Variants in ERI1 observed in about 807,000 individuals in gnomAD.
The protein encoded by ERI1 is exoribonuclease 1.
A neutral mutation model predicts 39.7 loss-of-function variants in ERI1; 39 were observed. The ratio of observed to expected loss-of-function variants is 0.98; its 90% confidence interval spans 0.76 to 1.28. The LOEUF (loss-of-function observed/expected upper bound fraction) is 1.28, where lower values mean the gene tolerates loss of function less well. Among genes scored for constraint, ERI1 ranks in the 50% most tolerant of loss-of-function variants. The pLI is 0.00. For missense variants in ERI1, 581 were observed against 416.9 expected, an observed-to-expected ratio of 1.39 and a Z score of -3.43; for synonymous variants, 204 against 149.6, an observed-to-expected ratio of 1.36 and a Z score of -2.65.
intron 6 of ERI1, among the ~76,000 whole-genome samples, chr8:9,028,557 T>C (rs1797351036): frequency 6.6e-6 from 1 of 152,220 alleles, no homozygotes; most frequent in African/African-American, 2.4e-5. Context: ...ATAGGCAAAA[T>C]AGTTGTACAA....
At chr8:9,067,482 C>G (rs556287897) in intron 3 of ERI1, among the ~76,000 whole-genome samples, 37 of 151,004 alleles carry the variant, frequency 2.5e-4, no homozygotes, top group African/African-American at 8.8e-4. Flanking sequence ...TAGAGAAACC[C>G]CATCTCTACA....
intron 6 of ERI1, among the ~76,000 whole-genome samples, chr8:9,025,931 C>G (rs1214213232): frequency 6.6e-6 from 1 of 152,054 alleles, no homozygotes; most frequent in African/African-American, 2.4e-5. Context: ...AGTTAAGTTT[C>G]ATACAGTTTT....
At chr8:9,098,654 A>G (rs1211896478) in intron 3 of ERI1, among the ~76,000 whole-genome samples, 1 of 152,140 alleles carries the variant, frequency 6.6e-6, no homozygotes, top group African/African-American at 2.4e-5. Context: ...CACCAAAATC[A>G]CAGAAGTCAC....
intron 5 of ERI1, 94 bp from the exon 6 acceptor site, chr8:9,020,256 A>G (rs993425743): frequency 1.2e-5 from 7 of 576,774 alleles, no homozygotes; most frequent in Non-Finnish European, 2.0e-5. Context: ...AATATGAGAA[A>G]GTTGACATAT....
chr8:9,009,310 T>G (rs1341243105), intron 2 of ERI1, among the ~76,000 whole-genome samples: 1 of 151,982 alleles, frequency 6.6e-6, no homozygotes, highest in Non-Finnish European at 1.5e-5. Flanking sequence ...ATATTGGAGG[T>G]CTGGCCAGGT....
chr8:9,066,462 G>A (rs1357924277), intron 3 of ERI1, among the ~76,000 whole-genome samples: 2 of 152,134 alleles, frequency 1.3e-5, no homozygotes, highest in Non-Finnish European at 1.5e-5. Context: ...GCGGCCAGTG[G>A]GCACCTGATG....
intron 3 of ERI1, among the ~76,000 whole-genome samples, chr8:9,047,289 C>G (rs1174041697): frequency 6.6e-6 from 1 of 152,172 alleles, no homozygotes; most frequent in Non-Finnish European, 1.5e-5. Context: ...GTGAGCTCAG[C>G]TAGTGGTGGC....
intron 3 of ERI1, among the ~76,000 whole-genome samples, chr8:9,081,258 T>G: frequency 6.6e-6 from 1 of 152,144 alleles, no homozygotes; most frequent in East Asian, 1.9e-4. Context: ...GTGATGAGAT[T>G]TGGGTGGGGA....
chr8:9,097,666 C>CA (rs11380594), intron 3 of ERI1, among the ~76,000 whole-genome samples: 42,693 of 96,436 alleles, frequency 0.44, 7,902 homozygotes, highest in Middle Eastern at 0.47. Flanking sequence ...GACACTCTGT[C>CA]AAAAAAAAAA....
chr8:9,071,139 C>T (rs1236788977), intron 3 of ERI1, among the ~76,000 whole-genome samples: 1 of 152,130 alleles, frequency 6.6e-6, no homozygotes, highest in Non-Finnish European at 1.5e-5. Context: ...AGGGAAAGTT[C>T]TTGTGTTTAC....
intron 3 of ERI1, among the ~76,000 whole-genome samples, chr8:9,042,970 A>T (rs1798071165): frequency 1.3e-5 from 2 of 152,174 alleles, no homozygotes; most frequent in African/African-American, 2.4e-5. Context: ...TGCAGTCTGC[A>T]AGGATCTGGA....
chr8:9,004,611 C>T (rs904102549), intron 1 of ERI1, among the ~76,000 whole-genome samples: 1 of 149,064 alleles, frequency 6.7e-6, no homozygotes, highest in African/African-American at 2.5e-5. Context: ...CTGCAGTGAG[C>T]TGTGATCGTG....
Position 9,029,913 on chromosome 8 carries a change from T to G in ERI1, c.929T>G (p.Leu310Arg), listed in dbSNP as rs1260187014. ...KNIARIAVRMLQDGCELRINE... is the reference protein window; with the variant it reads ...KNIARIAVRMRQDGCELRINE... ...ATCGCCCGAATAGCAGTTCGAATGCTTCAGGATGGGTGTGAACTCCGAATC... is the reference window on the plus strand; with the variant it reads ...ATCGCCCGAATAGCAGTTCGAATGCGTCAGGATGGGTGTGAACTCCGAATC... Residue 310 changes from leucine to arginine, a missense_variant, in exon 7 of 7, where the codon CTT becomes CGT. Leu to Arg is a moderately radical substitution (Grantham distance 102). Transcript: ENST00000250263. The G allele has an allele frequency of 6.2e-7, 1 of 1,614,008 alleles. No homozygotes were observed.
At chr8:9,052,510 G>A (rs1438009571) in intron 3 of ERI1, among the ~76,000 whole-genome samples, 2 of 152,008 alleles carry the variant, frequency 1.3e-5, no homozygotes, top group Non-Finnish European at 2.9e-5. Flanking sequence ...CAGCATTCTG[G>A]GTAAGCAGCA....
At chr8:9,016,884 G>A (rs965864830) in intron 4 of ERI1, among the ~76,000 whole-genome samples, 2 of 151,854 alleles carry the variant, frequency 1.3e-5, no homozygotes, top group East Asian at 1.9e-4. Flanking sequence ...ACCTGGTTTC[G>A]CCATATTGGC....
intron 3 of ERI1, among the ~76,000 whole-genome samples, chr8:9,078,315 G>C (rs1799269442): frequency 6.6e-6 from 1 of 151,368 alleles, no homozygotes; most frequent in Non-Finnish European, 1.5e-5. Flanking sequence ...TTTCTAATTA[G>C]GTATCTGTAT....
intron 5 of ERI1, among the ~76,000 whole-genome samples, chr8:9,019,078 A>G (rs1033686884): frequency 1.3e-5 from 2 of 152,230 alleles, no homozygotes; most frequent in Non-Finnish European, 2.9e-5. Context: ...GCTGCCTAAT[A>G]ATCTTCCATA....
intron 3 of ERI1, among the ~76,000 whole-genome samples, chr8:9,066,523 C>T (rs1252284122): frequency 6.6e-6 from 1 of 152,098 alleles, no homozygotes; most frequent in Admixed American, 6.6e-5. Flanking sequence ...GTTCACCTGG[C>T]CTTTGGGTTG....
chr8:9,008,450 G>A (rs975596452), intron 2 of ERI1, among the ~76,000 whole-genome samples: 2 of 152,062 alleles, frequency 1.3e-5, no homozygotes, highest in East Asian at 3.8e-4. Context: ...TTTAAATGAT[G>A]GATAGTTATA....
Sources: allele counts gnomAD v4.1 joint callset (sites outside exome capture counted in the v4.1 genomes callset), GRCh38; gene constraint gnomAD v4.1.1; transcripts MANE v1.5; gene names NCBI Gene and HGNC (gene_info 2026-07-23, HGNC 2026-07-21).